SPRYD4: variants seen among roughly 807,000 people sequenced by gnomAD.
The protein encoded by SPRYD4 is SPRY domain containing 4.
Under a neutral mutation model 16.6 loss-of-function variants are expected in SPRYD4, and 12 were observed. The observed-to-expected ratio is 0.72, with a 90% confidence interval of 0.46 to 1.17. The LOEUF (loss-of-function observed/expected upper bound fraction) is 1.17. Ranked by LOEUF, SPRYD4 falls within the 50% of genes most tolerant of loss-of-function variation. The probability of loss-of-function intolerance (pLI) is 0.00; values close to 1 mark genes in which losing one functional copy is unlikely to be tolerated. For missense variants in SPRYD4, 260 were observed against 260.2 expected, an observed-to-expected ratio of 1.00 and a Z score of 0.00; for synonymous variants, 98 against 105.4, an observed-to-expected ratio of 0.93 and a Z score of 0.43.
Position 56,472,394 on chromosome 12 carries a change from T to A in SPRYD4, c.*2817T>A. On this transcript the variant is annotated 3_prime_UTR_variant, in exon 2 of 2. Transcript: ENST00000338146. ...TATTAGAGAGATGGGAATGTGATCC[T>A]TCCAGAAATATCACTCACTGCCTAC... 2 of 613,352 alleles carry A rather than the reference T, an allele frequency of 3.3e-6. No homozygotes were observed. The highest frequency in any genetic ancestry group is 2.0e-5 in the South Asian group (1 of 50,456). The allele number at this position is 613,352 out of a possible 1,614,324, so 38.0% of individuals were successfully genotyped here. A position where few individuals can be genotyped will look rare whatever the true frequency, so the allele number is the denominator to read the frequency against.
At position 56,471,017 on chromosome 12, in the gene SPRYD4, C is replaced by A; in HGVS notation, c.*1440C>A. On this transcript the variant is annotated 3_prime_UTR_variant, in exon 2 of 2. Transcript: ENST00000338146. ...CTCTGTCTATAAAATTGGCTGTTAGCAGTAGCAGCAGCATGTCCTGGCCAA... is the reference window on the plus strand; with the variant it reads ...CTCTGTCTATAAAATTGGCTGTTAGAAGTAGCAGCAGCATGTCCTGGCCAA... The A allele has an allele frequency of 4.3e-6, 1 of 233,218 alleles. No individual in the cohort carries two copies. Among genetic ancestry groups the A allele is most frequent in the Non-Finnish European group, 8.3e-6 (1 of 121,074 alleles). The allele number at this position is 233,218 out of a possible 1,614,324, so 14.4% of individuals were successfully genotyped here.
At position 56,472,542 on chromosome 12, in the gene SPRYD4, TCC is replaced by T. The variant is rs544317888; in HGVS notation, c.*2966_*2967del. The T allele has an allele frequency of 2.9e-6, 2 of 696,052 alleles. No individual in the cohort carries two copies. Among genetic ancestry groups the T allele is most frequent in the African/African-American group, 3.6e-5 (2 of 55,372 alleles). The allele number at this position is 696,052 out of a possible 1,614,324, so 43.1% of individuals were successfully genotyped here. A position where few individuals can be genotyped will look rare whatever the true frequency, so the allele number is the denominator to read the frequency against. On this transcript the variant is annotated 3_prime_UTR_variant, in exon 2 of 2. Coordinates refer to ENST00000338146, the MANE Select transcript of SPRYD4 (RefSeq NM_207344.4). ...CAGTTTACTTTTTTTAAAAAAAATC[TCC>T]TTTTTTAAAAAAATTTCATTTAAAT...
In SPRYD4 at chr12:56,470,997, T is replaced by A; in HGVS notation, c.*1420T>A. ...ATTTGAACACAAAATACTTTCTCTGTCTATAAAATTGGCTGTTAGCAGTAG... is the reference window on the plus strand; with the variant it reads ...ATTTGAACACAAAATACTTTCTCTGACTATAAAATTGGCTGTTAGCAGTAG... On this transcript the variant is annotated 3_prime_UTR_variant, in exon 2 of 2. Transcript: ENST00000338146. 1 of 199,742 alleles carries A rather than the reference T, an allele frequency of 5.0e-6. No individual in the cohort carries two copies. 12.4% of individuals were successfully genotyped at this position (199,742 alleles called of 1,614,324 possible).
Position 56,477,928 on chromosome 12 carries a change from C to T in SPRYD4, c.*8351C>T, listed in dbSNP as rs200398532. 1 of 1,611,064 alleles carries T rather than the reference C, an allele frequency of 6.2e-7. No individual in the cohort carries two copies. Among genetic ancestry groups the T allele is most frequent in the Non-Finnish European group, 8.5e-7 (1 of 1,178,328 alleles). ...AAGTACGGTCTGAGCCTTGGTAGTG[C>T]TCACCTTCCTCATTGAGGGAGAGCT... On this transcript the variant is annotated 3_prime_UTR_variant, in exon 2 of 2. Coordinates refer to ENST00000338146, the MANE Select transcript of SPRYD4 (RefSeq NM_207344.4).
Position 56,471,366 on chromosome 12 carries a change from C to T in SPRYD4, c.*1789C>T, listed in dbSNP as rs989432469. 2.7e-6 allele frequency: 3 copies of T among 1,099,208 alleles called. No individual in the cohort carries two copies. The African/African-American group carries it at 4.7e-5, about 17-fold the overall frequency. 68.1% of individuals were successfully genotyped at this position (1,099,208 alleles called of 1,614,324 possible). A position where few individuals can be genotyped will look rare whatever the true frequency, so the allele number is the denominator to read the frequency against. On this transcript the variant is annotated 3_prime_UTR_variant, in exon 2 of 2. Coordinates refer to ENST00000338146, the MANE Select transcript of SPRYD4 (RefSeq NM_207344.4). Reference sequence around the variant, plus strand: ...CATAGAAAGCACTAGCCTAAGTCACCAAATGACTGCTTGGTCCCCACTGAA... The same window carrying T: ...CATAGAAAGCACTAGCCTAAGTCACTAAATGACTGCTTGGTCCCCACTGAA...
Position 56,473,413 on chromosome 12 carries a change from A to G in SPRYD4, c.*3836A>G. On this transcript the variant is annotated 3_prime_UTR_variant, in exon 2 of 2. Coordinates refer to ENST00000338146, the MANE Select transcript of SPRYD4 (RefSeq NM_207344.4). ...ATTATAGTAAAAGTGGTACCATTAA[A>G]CAAATTTATTGCTTCAAAAATAGTA... 1.2e-6 allele frequency: 2 copies of G among 1,604,212 alleles called. No homozygotes were observed. The highest frequency in any genetic ancestry group is 2.2e-5 in the East Asian group (1 of 44,748).
rs1483473060 is a variant in SPRYD4, at chr12:56,474,140, T to C, written c.*4563T>C. The C allele has an allele frequency of 5.3e-6, 1 of 188,276 alleles. No homozygotes were observed. The highest frequency in any genetic ancestry group is 1.1e-5 in the Non-Finnish European group (1 of 90,694). 11.7% of individuals were successfully genotyped at this position (188,276 alleles called of 1,614,324 possible). A position where few individuals can be genotyped will look rare whatever the true frequency, so the allele number is the denominator to read the frequency against. Reference sequence around the variant, plus strand: ...GGAGTTTTGCTCTTGTTGCCCAGGCTACAGTGCAATGGCACAATCTCGGCT... The same window carrying C: ...GGAGTTTTGCTCTTGTTGCCCAGGCCACAGTGCAATGGCACAATCTCGGCT... On this transcript the variant is annotated 3_prime_UTR_variant, in exon 2 of 2. Coordinates refer to ENST00000338146, the MANE Select transcript of SPRYD4 (RefSeq NM_207344.4).
At position 56,476,008 on chromosome 12, in the gene SPRYD4, T is replaced by C; in HGVS notation, c.*6431T>C. The C allele has an allele frequency of 6.2e-7, 1 of 1,608,416 alleles. No homozygotes were observed. The highest frequency in any genetic ancestry group is 8.5e-7 in the Non-Finnish European group (1 of 1,177,908). ...GAGAAAGAGAGAGATGTCAGCATTC[T>C]AAGTGTAGGAGGATGACAGAGGGAA... On this transcript the variant is annotated 3_prime_UTR_variant, in exon 2 of 2. Coordinates refer to ENST00000338146, the MANE Select transcript of SPRYD4 (RefSeq NM_207344.4).
rs766122120 is a variant in SPRYD4, at chr12:56,469,431, C to G, written c.478C>G (p.Gln160Glu). The change falls in exon 2 of 2, where the codon CAG becomes GAG. Residue 160 changes from glutamine to glutamate, a missense_variant. By Grantham distance (29) the Gln-to-Glu change is conservative. Coordinates refer to ENST00000338146, the MANE Select transcript of SPRYD4 (RefSeq NM_207344.4). The part of the protein sequence containing the change: ...KVGLLLEYEA[Q>E]KLSLVDVSQV... Reference sequence around the variant, plus strand: ...GGGGCTGTTGCTGGAGTATGAGGCCCAGAAGCTGAGCCTGGTGGATGTGAG... The same window carrying G: ...GGGGCTGTTGCTGGAGTATGAGGCCGAGAAGCTGAGCCTGGTGGATGTGAG... 54 of 1,613,884 alleles carry G rather than the reference C, an allele frequency of 3.3e-5. No individual in the cohort carries two copies. The highest frequency in any genetic ancestry group is 4.2e-5 in the Non-Finnish European group (49 of 1,179,990).
Position 56,479,396 on chromosome 12 carries a change from G to A in SPRYD4, c.*9819G>A. The A allele has an allele frequency of 1.9e-6, 1 of 515,164 alleles. No individual in the cohort carries two copies. Among genetic ancestry groups the A allele is most frequent in the Non-Finnish European group, 3.3e-6 (1 of 303,982 alleles). The allele number at this position is 515,164 out of a possible 1,614,324, so 31.9% of individuals were successfully genotyped here. A position where few individuals can be genotyped will look rare whatever the true frequency, so the allele number is the denominator to read the frequency against. On this transcript the variant is annotated 3_prime_UTR_variant, in exon 2 of 2. Coordinates refer to ENST00000338146, the MANE Select transcript of SPRYD4 (RefSeq NM_207344.4). ...ATGATGTGGAAAGACACTATGTCTT[G>A]GGATATGAGAAAAAAAATAAATACC...
Position 56,475,638 on chromosome 12 carries a change from A to T in SPRYD4, c.*6061A>T. The T allele has an allele frequency of 6.2e-7, 1 of 1,614,062 alleles. No homozygotes were observed. The highest frequency in any genetic ancestry group is 8.5e-7 in the Non-Finnish European group (1 of 1,180,000). On this transcript the variant is annotated 3_prime_UTR_variant, in exon 2 of 2. Transcript: ENST00000338146. ...TAGGGACTTACGTGGCATTGCTGAA[A>T]CCCATGTATTCATTCCCAGCCATTT...
Position 56,477,768 on chromosome 12 carries a change from C to T in SPRYD4, c.*8191C>T, listed in dbSNP as rs531838701. 2 of 1,579,342 alleles carry T rather than the reference C, an allele frequency of 1.3e-6. No individual in the cohort carries two copies. The highest frequency in any genetic ancestry group is 1.7e-6 in the Non-Finnish European group (2 of 1,157,892). ...GTCTTAGCCACTGAACAAAGCCTCCCTGACAGCCCGCTCACTTTGTGGGTT... is the reference window on the plus strand; with the variant it reads ...GTCTTAGCCACTGAACAAAGCCTCCTTGACAGCCCGCTCACTTTGTGGGTT... On this transcript the variant is annotated 3_prime_UTR_variant, in exon 2 of 2. Coordinates refer to ENST00000338146, the MANE Select transcript of SPRYD4 (RefSeq NM_207344.4).
rs529280201 is a variant in SPRYD4 at position 56,479,375 on chromosome 12, T to A, written c.*9798T>A. The A allele has an allele frequency of 1.0e-5, 6 of 595,568 alleles. No individual in the cohort carries two copies. In the South Asian group the frequency reaches 1.7e-4, roughly 17 times the overall value. 36.9% of individuals were successfully genotyped at this position (595,568 alleles called of 1,614,324 possible). A position where few individuals can be genotyped will look rare whatever the true frequency, so the allele number is the denominator to read the frequency against. The stretch of plus-strand genomic sequence containing the variant: ...CCTCTAAAATGAGGGGTTTTAATGA[T>A]GTGGAAAGACACTATGTCTTGGGAT... On this transcript the variant is annotated 3_prime_UTR_variant, in exon 2 of 2. Transcript: ENST00000338146.
Position 56,476,203 on chromosome 12 carries a change from C to CGA in SPRYD4, c.*6626_*6627insGA. On this transcript the variant is annotated 3_prime_UTR_variant, in exon 2 of 2. Coordinates refer to ENST00000338146, the MANE Select transcript of SPRYD4 (RefSeq NM_207344.4). Reference sequence around the variant, plus strand: ...CAGTCTTGCTTTGTCACCCTTGTCACCCAGGCTGGAGTGCAGTGGCACGAT... The same window carrying CGA: ...CAGTCTTGCTTTGTCACCCTTGTCACGACCAGGCTGGAGTGCAGTGGCACGAT... The CGA allele has an allele frequency of 3.3e-6, 1 of 303,394 alleles. No homozygotes were observed. Among genetic ancestry groups the CGA allele is most frequent in the South Asian group, 4.9e-5 (1 of 20,312 alleles). 18.8% of individuals were successfully genotyped at this position (303,394 alleles called of 1,614,324 possible).
In SPRYD4 at chr12:56,474,380, G is replaced by A; in HGVS notation, c.*4803G>A. 2.6e-6 allele frequency: 2 copies of A among 777,894 alleles called. No individual in the cohort carries two copies. Among genetic ancestry groups the A allele is most frequent in the Admixed American group, 2.7e-5 (1 of 36,744 alleles). 48.2% of individuals were successfully genotyped at this position (777,894 alleles called of 1,614,324 possible). A position where few individuals can be genotyped will look rare whatever the true frequency, so the allele number is the denominator to read the frequency against. ...ATCTCTTTATATATTCGAGGAACTT[G>A]GTGTTTTTGAGAAACTCGTCTAAGG... On this transcript the variant is annotated 3_prime_UTR_variant, in exon 2 of 2. Transcript: ENST00000338146.
Position 56,478,009 on chromosome 12 carries a change from G to A in SPRYD4, c.*8432G>A. 6.2e-7 allele frequency: 1 copy of A among 1,614,266 alleles called. No homozygotes were observed. Among genetic ancestry groups the A allele is most frequent in the South Asian group, 1.1e-5 (1 of 91,090 alleles). On this transcript the variant is annotated 3_prime_UTR_variant, in exon 2 of 2. Coordinates refer to ENST00000338146, the MANE Select transcript of SPRYD4 (RefSeq NM_207344.4). Reference sequence around the variant, plus strand: ...CCACAAACTTGTGCACGTAGTCAGTGCCTAGGGTGCTTATGGAGATGGCAT... The same window carrying A: ...CCACAAACTTGTGCACGTAGTCAGTACCTAGGGTGCTTATGGAGATGGCAT...
rs1019874143 is a variant in SPRYD4 at position 56,479,220 on chromosome 12, A to G, written c.*9643A>G. ...ACGATTGGATTAGGGGGCTAGAGAAATGCAGCTGGGACTCACTCTGGAGCC... is the reference window on the plus strand; with the variant it reads ...ACGATTGGATTAGGGGGCTAGAGAAGTGCAGCTGGGACTCACTCTGGAGCC... On this transcript the variant is annotated 3_prime_UTR_variant, in exon 2 of 2. Coordinates refer to ENST00000338146, the MANE Select transcript of SPRYD4 (RefSeq NM_207344.4). 3.7e-6 allele frequency: 6 copies of G among 1,607,004 alleles called. No homozygotes were observed. The highest frequency in any genetic ancestry group is 5.1e-6 in the Non-Finnish European group (6 of 1,178,526).
Position 56,469,619 on chromosome 12 carries a change from C to A in SPRYD4, c.*42C>A. On this transcript the variant is annotated 3_prime_UTR_variant, in exon 2 of 2. Transcript: ENST00000338146. ...GTCCCTAATCACGCCTTTGGCCAGC[C>A]TCCTTTTGAAAGTGTCCGAAGCCTT... is the stretch of plus-strand genomic sequence containing the variant. 6.4e-7 allele frequency: 1 copy of A among 1,559,652 alleles called. No individual in the cohort carries two copies. The highest frequency in any genetic ancestry group is 2.0e-5 in the Admixed American group (1 of 51,220).
Position 56,473,135 on chromosome 12 carries a change from C to T in SPRYD4, c.*3558C>T, listed in dbSNP as rs187050236. On this transcript the variant is annotated 3_prime_UTR_variant, in exon 2 of 2. Coordinates refer to ENST00000338146, the MANE Select transcript of SPRYD4 (RefSeq NM_207344.4). Reference sequence around the variant, plus strand: ...TGATCTCCTGACCTTGTGATCCGCCCGCCTTGGCCTCTCAAAGTGCAGGGA... The same window carrying T: ...TGATCTCCTGACCTTGTGATCCGCCTGCCTTGGCCTCTCAAAGTGCAGGGA... 5.3e-5 allele frequency: 60 copies of T among 1,134,932 alleles called. 1 individual carries two copies. Among genetic ancestry groups the T allele is most frequent in the Middle Eastern group, 4.5e-4 (2 of 4,456 alleles). The allele number at this position is 1,134,932 out of a possible 1,614,324, so 70.3% of individuals were successfully genotyped here. A position where few individuals can be genotyped will look rare whatever the true frequency, so the allele number is the denominator to read the frequency against.
Sources: allele counts gnomAD v4.1 joint callset, GRCh38; gene constraint gnomAD v4.1.1; transcripts MANE v1.5; gene names NCBI Gene and HGNC (gene_info 2026-07-23, HGNC 2026-07-21).